The following USP43 variants were observed in gnomAD, a reference collection of about 807,000 sequenced individuals.
USP43 encodes the protein ubiquitin carboxyl-terminal hydrolase 43.
Under a neutral mutation model 90.7 loss-of-function variants are expected in USP43, and 33 were observed. That is an observed-to-expected ratio of 0.36 (90% CI 0.28 to 0.49). The LOEUF (loss-of-function observed/expected upper bound fraction) is 0.49, where lower values mean the gene tolerates loss of function less well. Ranked by LOEUF, USP43 falls within the 20% of genes least tolerant of loss-of-function variation. The pLI, the probability that USP43 is intolerant of heterozygous loss-of-function variation, is 0.98. For synonymous variants in USP43, 598 were observed against 615.8 expected (o/e 0.97, Z 0.43); for missense variants, 1,274 against 1,476.4 (o/e 0.86, Z 2.25).
At chr17:9,666,552 T>C (rs1913048193) in intron 2 of USP43, 96 bp from the exon 3 acceptor site, 4 of 957,886 alleles carry the variant, frequency 4.2e-6, no homozygotes, top group Non-Finnish European at 6.4e-6. Context: ...AAAGGGATGA[T>C]GCGGGCCCAG....
At chr17:9,654,107 T>C (rs1440266178) in intron 1 of USP43, among the ~76,000 whole-genome samples, 1 of 152,058 alleles carries the variant, frequency 6.6e-6, no homozygotes, top group African/African-American at 2.4e-5. Context: ...TACAAGAAGA[T>C]AGGTTTGAGG....
At chr17:9,672,949 C>G (rs73255751) in intron 3 of USP43, among the ~76,000 whole-genome samples, 3,798 of 152,272 alleles carry the variant, frequency 0.025, 123 homozygotes, top group African/African-American at 0.075. Context: ...TCAAACGAGA[C>G]GGGCACTTTC....
chr17:9,655,937 G>A (rs1030507321), intron 1 of USP43, among the ~76,000 whole-genome samples: 10 of 152,194 alleles, frequency 6.6e-5, no homozygotes, highest in Admixed American at 6.5e-4. Flanking sequence ...TTGAAGCTAT[G>A]AGAATGAATG....
chr17:9,659,632 T>C (rs1005160577), intron 2 of USP43, among the ~76,000 whole-genome samples: 5 of 152,162 alleles, frequency 3.3e-5, no homozygotes, highest in African/African-American at 1.2e-4. Flanking sequence ...CAGGTCTTCC[T>C]ACTTGTAAGG....
intron 8 of USP43, among the ~76,000 whole-genome samples, chr17:9,691,428 T>A (rs995641489): frequency 1.6e-4 from 24 of 152,262 alleles, no homozygotes; most frequent in Admixed American, 7.2e-4. Flanking sequence ...GCCTTCATTT[T>A]TAAGGCTAAA....
At chr17:9,682,981 T>C in intron 7 of USP43, 23 bp downstream of exon 7, 4 of 1,608,758 alleles carry the variant, frequency 2.5e-6, no homozygotes, top group South Asian at 1.1e-5. Context: ...TTATTCTTTT[T>C]TCATGTGGTG....
chr17:9,683,454 G>C (rs1914420779), intron 7 of USP43, among the ~76,000 whole-genome samples: 1 of 151,732 alleles, frequency 6.6e-6, no homozygotes, highest in Non-Finnish European at 1.5e-5. Flanking sequence ...TGGATAAAAT[G>C]TTTCTAAAAA....
chr17:9,700,298 T>G, intron 10 of USP43, 49 bp downstream of exon 10: 1 of 1,535,370 alleles, frequency 6.5e-7, no homozygotes, highest in East Asian at 2.4e-5. Flanking sequence ...AGGGCCTGTG[T>G]GTGCCCAGGT....
At chr17:9,724,864 TGAA>T (rs1917175050) in intron 14 of USP43, among the ~76,000 whole-genome samples, 1 of 151,948 alleles carries the variant, frequency 6.6e-6, no homozygotes, top group Non-Finnish European at 1.5e-5. Flanking sequence ...GGTAGATGTA[TGAA>T]GCACGATGGA....
intron 12 of USP43, among the ~76,000 whole-genome samples, chr17:9,705,788 A>C (rs554132519): frequency 3.3e-4 from 49 of 149,622 alleles, no homozygotes; most frequent in Admixed American, 1.1e-3. Flanking sequence ...CAAAAAAAAA[A>C]CCCAAAAAAC....
chr17:9,714,463 TG>T (rs1372759850), intron 14 of USP43, among the ~76,000 whole-genome samples: 2 of 151,818 alleles, frequency 1.3e-5, no homozygotes, highest in African/African-American at 4.8e-5. Context: ...GGGCAGATCA[TG>T]GGGTCAGGAG....
rs115410667 is a variant in USP43, at chr17:9,712,448, G to A, written c.2335+316G>A. Reference sequence around the variant, plus strand: ...ATCAGGGAAGAGGGTATTCAGGCCCGGGGTGGAGGAGGGAGGGTGCACAGG... The same window carrying A: ...ATCAGGGAAGAGGGTATTCAGGCCCAGGGTGGAGGAGGGAGGGTGCACAGG... On this transcript the variant is annotated intron_variant, in intron 14 of 14. Coordinates refer to ENST00000285199, the MANE Select transcript of USP43 (RefSeq NM_153210.5). Among the ~76,000 whole-genome samples the A allele has an allele frequency of 1.5e-3, 236 of 152,296 alleles. 3 individuals carry two copies. The highest frequency in any genetic ancestry group is 5.1e-3 in the African/African-American group (212 of 41,564).
chr17:9,666,815 C>T, intron 3 of USP43, 64 bp downstream of exon 3: 1 of 1,301,714 alleles, frequency 7.7e-7, no homozygotes, highest in South Asian at 1.3e-5. Flanking sequence ...TCCTGGTAAC[C>T]AGTCTCCCAT....
intron 6 of USP43, among the ~76,000 whole-genome samples, chr17:9,681,151 AATATATACTATATAAT>A (rs1567660651): frequency 2.2e-5 from 2 of 93,008 alleles, no homozygotes; most frequent in Admixed American, 1.5e-4. Context: ...TATACTATAT[AATATATACTATATAAT>A]ATATACTATA....
chr17:9,656,578 T>C (rs775906582), intron 2 of USP43, 44 bp downstream of exon 2: 2 of 1,551,354 alleles, frequency 1.3e-6, no homozygotes, highest in Non-Finnish European at 1.7e-6. Flanking sequence ...GTTTTCTTTT[T>C]TTCTTTTAAA....
chr17:9,686,988 G>C lies in USP43; in HGVS notation c.1353+79G>C. On this transcript the variant is annotated intron_variant, in intron 8 of 14. Coordinates refer to ENST00000285199, the MANE Select transcript of USP43 (RefSeq NM_153210.5). The surrounding 1 kb of genome is among the most constrained non-coding windows in gnomAD (Gnocchi z 5.5). Reference sequence around the variant, plus strand: ...GTGTGTGTGGGTGTGTGTATTGGGAGGGGTGGAATTTAGTGTAGCCCAGGA... The same window carrying C: ...GTGTGTGTGGGTGTGTGTATTGGGACGGGTGGAATTTAGTGTAGCCCAGGA... 1 of 1,343,904 alleles carries C rather than the reference G, an allele frequency of 7.4e-7. No individual in the cohort carries two copies. The highest frequency in any genetic ancestry group is 1.0e-6 in the Non-Finnish European group (1 of 964,312). 83.2% of individuals were successfully genotyped at this position (1,343,904 alleles called of 1,614,324 possible).
At chr17:9,703,289 G>T (rs186864438) in intron 12 of USP43, among the ~76,000 whole-genome samples, 5 of 151,990 alleles carry the variant, frequency 3.3e-5, no homozygotes, top group Non-Finnish European at 5.9e-5. Context: ...CATGCTGAAC[G>T]TGCTGCCTCC....
rs756895822 is a variant in USP43 at position 9,728,299 on chromosome 17, C to T, written c.2681C>T (p.Ser894Leu). The T allele has an allele frequency of 2.0e-5, 33 of 1,612,830 alleles. No individual in the cohort carries two copies. Among genetic ancestry groups the T allele is most frequent in the Admixed American group, 3.3e-5 (2 of 59,844 alleles). Residue 894 changes from serine to leucine, a missense_variant, in exon 15 of 15, where the codon TCG becomes TTG. By Grantham distance (145) the Ser-to-Leu change is moderately radical. Around this residue, in one of 6 missense-constraint regions of USP43, gnomAD observed 353 missense variants for 329.7 expected, o/e 1.07. Coordinates refer to ENST00000285199, the MANE Select transcript of USP43 (RefSeq NM_153210.5). This position sits in a 1 kb window ranked among gnomAD's most constrained non-coding sequence, Gnocchi z 6.2. ...ERGPAGVPCP[S>L]AQPNHCLAPG... ...GGTCCAGCCGGGGTGCCCTGTCCCTCGGCTCAACCCAACCACTGTCTGGCC... is the reference window on the plus strand; with the variant it reads ...GGTCCAGCCGGGGTGCCCTGTCCCTTGGCTCAACCCAACCACTGTCTGGCC...
chr17:9,679,848 T>A (rs910435829), intron 5 of USP43, among the ~76,000 whole-genome samples: 4 of 152,116 alleles, frequency 2.6e-5, no homozygotes, highest in African/African-American at 9.7e-5. Context: ...TTTACTTCAA[T>A]GTTTGGTAAA....
Sources: gnomAD v4.1 joint callset for allele counts (sites outside exome capture counted in the v4.1 genomes callset) on GRCh38, gnomAD v4.1.1 for gene constraint, gnomAD v4.1.1 regional missense constraint, Gnocchi (gnomAD v3.1) non-coding constraint, MANE v1.5 for transcripts, NCBI Gene and HGNC (gene_info 2026-07-23, HGNC 2026-07-21) for gene names.